NPAS3: variants seen among roughly 807,000 people sequenced by gnomAD.
NPAS3 encodes the protein neuronal PAS domain protein 3.
A neutral mutation model predicts 73.1 loss-of-function variants in NPAS3; 14 were observed. That is an observed-to-expected ratio of 0.19 (90% CI 0.13 to 0.30). NPAS3 has a LOEUF of 0.30. NPAS3 is among the 10% of genes least tolerant of loss of function. NPAS3 has a pLI of 1.00. For missense variants in NPAS3, 1,096 were observed against 1,250.0 expected, an observed-to-expected ratio of 0.88 and a Z score of 1.86; for synonymous variants, 620 against 541.5, an observed-to-expected ratio of 1.14 and a Z score of -2.01.
rs1950145730 is a variant in NPAS3 at position 33,767,513 on chromosome 14, G to A, written c.853-6824G>A. On this transcript the variant is annotated intron_variant, in intron 7 of 11. Transcript: ENST00000356141. ...AGAAAAGGGACCAGAGTGCCAGAAG[G>A]AAGCTTAATTTTTAAGGTAAATTTG... Among the ~76,000 whole-genome samples the A allele has an allele frequency of 2.0e-5, 3 of 151,112 alleles. No homozygotes were observed. The South Asian group carries it at 6.3e-4, about 32-fold the overall frequency.
intron 1 of NPAS3, among the ~76,000 whole-genome samples, chr14:32,964,184 AAG>A (rs1555310808): frequency 1.3e-5 from 2 of 149,660 alleles, no homozygotes; most frequent in African/African-American, 5.0e-5. Context: ...AAAAAAAAAA[AAG>A]AGAACATTAA....
chr14:33,408,380 A>G (rs1039764730), intron 4 of NPAS3, among the ~76,000 whole-genome samples: 1 of 152,156 alleles, frequency 6.6e-6, no homozygotes, highest in Non-Finnish European at 1.5e-5. Flanking sequence ...CCACCTTGTC[A>G]TAACCTCACA....
intron 1 of NPAS3, among the ~76,000 whole-genome samples, chr14:32,987,731 T>A (rs1056377738): frequency 4.6e-5 from 7 of 152,218 alleles, no homozygotes; most frequent in African/African-American, 1.7e-4. Flanking sequence ...ATCTTTGCTT[T>A]TATTTTAGAC....
At chr14:33,305,002 GT>G (rs2042701635) in intron 3 of NPAS3, among the ~76,000 whole-genome samples, 1 of 152,056 alleles carries the variant, frequency 6.6e-6, no homozygotes, top group Admixed American at 6.5e-5. Context: ...ATTGGTGTGG[GT>G]GTGTCTTGAG....
chr14:33,235,928 A>G (rs2048019506), intron 3 of NPAS3, among the ~76,000 whole-genome samples: 1 of 147,984 alleles, frequency 6.8e-6, no homozygotes, highest in African/African-American at 2.5e-5. Context: ...AGCAGGGACT[A>G]TAGGTGTGCA....
At chr14:33,185,313 G>A (rs1427884773) in intron 2 of NPAS3, among the ~76,000 whole-genome samples, 2 of 152,112 alleles carry the variant, frequency 1.3e-5, no homozygotes, top group African/African-American at 4.8e-5. Context: ...CAGGATGTTT[G>A]TGATTTTAAT....
chr14:33,148,680 T>C (rs1459358415), intron 2 of NPAS3, among the ~76,000 whole-genome samples: 3 of 152,220 alleles, frequency 2.0e-5, no homozygotes, highest in Non-Finnish European at 4.4e-5. Context: ...TATATTTCTT[T>C]TCTTTTTTAA....
chr14:33,302,177 A>T (rs2140155458), intron 3 of NPAS3, among the ~76,000 whole-genome samples: 1 of 152,310 alleles, frequency 6.6e-6, no homozygotes. Context: ...GGGAGGGAGG[A>T]TTTGCATACA....
At chr14:33,385,329 G>A (rs2046731800) in intron 4 of NPAS3, among the ~76,000 whole-genome samples, 1 of 152,084 alleles carries the variant, frequency 6.6e-6, no homozygotes, top group African/African-American at 2.4e-5. Context: ...CAAATTATCT[G>A]CCACGATGCA....
intron 5 of NPAS3, among the ~76,000 whole-genome samples, chr14:33,572,233 CA>C (rs1399965893): frequency 2.6e-5 from 4 of 152,108 alleles, no homozygotes. Flanking sequence ...TGAGGTATTT[CA>C]ATCATTCTGT....
chr14:33,652,117 A>C (rs1262254190), intron 5 of NPAS3, among the ~76,000 whole-genome samples: 1 of 152,224 alleles, frequency 6.6e-6, no homozygotes, highest in African/African-American at 2.4e-5. Flanking sequence ...TAAATTTGCA[A>C]GGAAAATTTA....
intron 4 of NPAS3, among the ~76,000 whole-genome samples, chr14:33,482,691 G>A (rs1566941004): frequency 6.6e-6 from 1 of 152,048 alleles, no homozygotes; most frequent in Non-Finnish European, 1.5e-5. Flanking sequence ...CCTGGCAGAA[G>A]AGACCAGCGA....
chr14:33,386,385 T>A (rs925629757), intron 4 of NPAS3, among the ~76,000 whole-genome samples: 10 of 152,176 alleles, frequency 6.6e-5, no homozygotes, highest in African/African-American at 2.4e-4. Context: ...TTCCACAGAA[T>A]CCTTCTTAAA....
chr14:33,253,966 A>T (rs934630218), intron 3 of NPAS3, among the ~76,000 whole-genome samples: 1 of 152,132 alleles, frequency 6.6e-6, no homozygotes, highest in South Asian at 2.1e-4. Flanking sequence ...AGAAGAAATC[A>T]CCATCCACCC....
intron 7 of NPAS3, among the ~76,000 whole-genome samples, chr14:33,764,879 T>A: frequency 6.6e-6 from 1 of 152,208 alleles, no homozygotes; most frequent in East Asian, 1.9e-4. Flanking sequence ...CCCTTAACAA[T>A]TTATCGAGGT....
At chr14:33,260,171 A>G (rs747666553) in intron 3 of NPAS3, among the ~76,000 whole-genome samples, 22 of 152,170 alleles carry the variant, frequency 1.4e-4, no homozygotes, top group Non-Finnish European at 2.5e-4. Context: ...CCAAAGGAGT[A>G]ACGTTACTTC....
Position 33,362,311 on chromosome 14 carries a change from G to T in NPAS3, c.386-4875G>T, listed in dbSNP as rs573780750. 5.3e-5 allele frequency among the ~76,000 whole-genome samples: 8 copies of T among 152,266 alleles called. No individual in the cohort carries two copies. In the South Asian group the frequency reaches 1.5e-3, roughly 28 times the overall value. On this transcript the variant is annotated intron_variant, in intron 3 of 11. Transcript: ENST00000356141. ...GGGCCAGTTTCAGAATAAAGACACA[G>T]CCTATATTACATGCAAACTGAGAAA...
chr14:32,989,833 G>A (rs1262717622), intron 1 of NPAS3, among the ~76,000 whole-genome samples: 1 of 152,210 alleles, frequency 6.6e-6, no homozygotes, highest in Non-Finnish European at 1.5e-5. Context: ...GACTCTGGTA[G>A]TGATGTGGAG....
chr14:33,513,248 G>T (rs959836850), intron 4 of NPAS3, among the ~76,000 whole-genome samples: 6 of 151,994 alleles, frequency 3.9e-5, no homozygotes, highest in Admixed American at 3.3e-4. Context: ...TAAGGTCACA[G>T]ACAGTGGATT....
Sources: gnomAD v4.1 joint callset for allele counts (sites outside exome capture counted in the v4.1 genomes callset) on GRCh38, gnomAD v4.1.1 for gene constraint, MANE v1.5 for transcripts, NCBI Gene and HGNC (gene_info 2026-07-23, HGNC 2026-07-21) for gene names.